The following ARHGEF10 variants were observed in gnomAD, a reference collection of about 807,000 sequenced individuals.
ARHGEF10 encodes Rho guanine nucleotide exchange factor 10, also known as Rho guanine nucleotide exchange factor (GEF) 10.
Under a neutral mutation model 147.4 loss-of-function variants are expected in ARHGEF10, and 140 were observed. The observed-to-expected ratio is 0.95, with a 90% CI of 0.83 to 1.09. ARHGEF10 has a LOEUF of 1.09. Among genes scored for constraint, ARHGEF10 ranks in the 50% least tolerant of loss-of-function variants. The pLI is 0.00. For missense variants in ARHGEF10, 2,222 were observed against 1,752.7 expected (o/e 1.27, Z -4.78); for synonymous variants, 902 against 695.8 (o/e 1.30, Z -4.67).
rs569590251 is a variant in ARHGEF10 at position 1,883,093 on chromosome 8, C to T, written c.1075+344C>T. Among the ~76,000 whole-genome samples, 22 of 152,302 alleles carry T rather than the reference C, an allele frequency of 1.4e-4. No homozygotes were observed. The South Asian group carries it at 1.7e-3, about 11-fold the overall frequency. ...ACATTGGCCCTCCTGGGCATGGTCC[C>T]GCAGGGACTGAGGTCGTGAGCGTCC... On this transcript the variant is annotated intron_variant, in intron 10 of 28. Coordinates refer to ENST00000349830, the MANE Select transcript of ARHGEF10 (RefSeq NM_014629.4).
chr8:1,943,413 G>T (rs935632811), intron 26 of ARHGEF10, among the ~76,000 whole-genome samples: 3 of 152,150 alleles, frequency 2.0e-5, no homozygotes, highest in African/African-American at 7.2e-5. Context: ...GGAAGTGTGG[G>T]CCTGCACACC....
At chr8:1,867,409 T>G (rs1026625992) in intron 6 of ARHGEF10, among the ~76,000 whole-genome samples, 1 of 152,218 alleles carries the variant, frequency 6.6e-6, no homozygotes, top group Admixed American at 6.5e-5. Context: ...GTGCATCATT[T>G]TATTTATAAT....
Position 1,860,007 on chromosome 8 carries a change from G to T in ARHGEF10, c.304G>T (p.Glu102Ter), listed in dbSNP as rs1805962569. ...TGTCATCGACATCACGCCATTCCAG[G>T]AGGACCAGCCGCCCACCCCCGTGCC... ...YSVIDITPFQ[E>*]DQPPTPVPSA... Residue 102 changes from glutamate to a stop codon, truncating the protein, a stop_gained, in exon 4 of 29, where the codon GAG becomes TAG. Transcript: ENST00000349830. LOFTEE classifies it high-confidence loss of function. 1 of 1,613,894 alleles carries T rather than the reference G, an allele frequency of 6.2e-7. No homozygotes were observed.
chr8:1,922,083 A>T (rs1297606812), intron 18 of ARHGEF10, among the ~76,000 whole-genome samples: 4 of 151,950 alleles, frequency 2.6e-5, no homozygotes, highest in Non-Finnish European at 5.9e-5. Context: ...GAGATGGGGG[A>T]ATCTGTCCTC....
In ARHGEF10 at chr8:1,948,830, G is replaced by A. The variant is rs529061880; in HGVS notation, c.3397+3175G>A. Among the ~76,000 whole-genome samples, 3 of 152,286 alleles carry A rather than the reference G, an allele frequency of 2.0e-5. No individual in the cohort carries two copies. In the South Asian group the frequency reaches 6.2e-4, roughly 32 times the overall value. ...GCTGTATTTAGACATTCCGGTGGGG[G>A]CATGCTCATACCGTGCTGAAGTGCG... On this transcript the variant is annotated intron_variant, in intron 27 of 28. Transcript: ENST00000349830. The surrounding 1 kb of genome is among the most constrained non-coding windows in gnomAD (Gnocchi z 4.9).
At chr8:1,864,085 G>A (rs1806377215) in intron 4 of ARHGEF10, among the ~76,000 whole-genome samples, 1 of 152,078 alleles carries the variant, frequency 6.6e-6, no homozygotes, top group Non-Finnish European at 1.5e-5. Context: ...TGTGGAGTGG[G>A]AGAGAACATC....
At chr8:1,939,351 C>A (rs1813890479) in intron 26 of ARHGEF10, among the ~76,000 whole-genome samples, 1 of 152,218 alleles carries the variant, frequency 6.6e-6, no homozygotes, top group African/African-American at 2.4e-5. Flanking sequence ...TAGCACTGTG[C>A]AAAAACAGAG....
intron 1 of ARHGEF10, 49 bp downstream of exon 1, chr8:1,824,162 T>G (rs1253977164): frequency 6.6e-6 from 1 of 152,046 alleles, no homozygotes; most frequent in African/African-American, 2.4e-5. Context: ...GCTTCTGGTT[T>G]CCTTTGAGAG....
chr8:1,869,315 A>C (rs1334075767), intron 7 of ARHGEF10, 65 bp downstream of exon 7: 1 of 1,404,510 alleles, frequency 7.1e-7, no homozygotes, highest in Non-Finnish European at 1.0e-6. Context: ...CTGGATGCCA[A>C]AGTGACTATT....
intron 27 of ARHGEF10, chr8:1,945,995 C>G (rs922959446): frequency 1.1e-5 from 5 of 453,630 alleles, no homozygotes; most frequent in African/African-American, 4.0e-5. Flanking sequence ...CTGGGGAAGC[C>G]AGGACCTGAG....
chr8:1,858,104 C>G lies in ARHGEF10; in HGVS notation c.182C>G (p.Pro61Arg), dbSNP rs537190053. The G allele has an allele frequency of 6.4e-7, 1 of 1,552,742 alleles. No individual in the cohort carries two copies. Among genetic ancestry groups the G allele is most frequent in the Non-Finnish European group, 8.7e-7 (1 of 1,149,320 alleles). The change falls in exon 3 of 29, where the codon CCT (proline) becomes CGT (arginine). Residue 61 changes from proline to arginine, a missense_variant. Transcript: ENST00000349830. ...ETGGAGASEAPAPTGGEDGAG... is the reference protein window; with the variant it reads ...ETGGAGASEARAPTGGEDGAG... ...GGAGGTGCTGGAGCCAGTGAAGCCCCTGCACCCACAGGTGAGTTTCCAGGA... is the reference window on the plus strand; with the variant it reads ...GGAGGTGCTGGAGCCAGTGAAGCCCGTGCACCCACAGGTGAGTTTCCAGGA...
At chr8:1,858,250 G>C (rs1805768687) in intron 3 of ARHGEF10, 135 bp downstream of exon 3, 1 of 780,050 alleles carries the variant, frequency 1.3e-6, no homozygotes, top group African/African-American at 1.7e-5. Flanking sequence ...GTCCCCAGGT[G>C]AGTCCCCTGG....
chr8:1,931,570 A>G (rs13257924), intron 25 of ARHGEF10, among the ~76,000 whole-genome samples: 139,797 of 152,206 alleles, frequency 0.92, 64,234 homozygotes, highest in East Asian at 1. Context: ...CGTGCGAGGC[A>G]GCCTGCGCAG....
At chr8:1,928,715 G>A (rs983777811) in intron 24 of ARHGEF10, 65 bp downstream of exon 24, 68 of 1,561,584 alleles carry the variant, frequency 4.4e-5, no homozygotes, top group Non-Finnish European at 5.4e-5. Context: ...GTGGTGGGGA[G>A]CCTGTCCTGG....
intron 27 of ARHGEF10, among the ~76,000 whole-genome samples, chr8:1,951,951 C>CGTGAGGCGGGGTCTTCCCTGTAACCGCT (rs1815091486): frequency 6.6e-6 from 1 of 152,216 alleles, no homozygotes; most frequent in Non-Finnish European, 1.5e-5. Context: ...CTGTAACCGC[C>CGTGAGGCGGGGTCTTCCCTGTAACCGCT]GTGAGGCGGG....
Position 1,858,086 on chromosome 8 carries a change from C to T in ARHGEF10, c.164C>T (p.Ala55Val). ...QAPSAPETGG[A>V]GASEAPAPTG... ...CCATCCGCCCCTGAGACAGGAGGTG[C>T]TGGAGCCAGTGAAGCCCCTGCACCC... The change falls in exon 3 of 29, where the codon GCT (alanine) becomes GTT (valine). Residue 55 changes from alanine (A) to valine (V), a missense_variant. Ala to Val is a moderately conservative substitution (Grantham distance 64). Transcript: ENST00000349830. 6.2e-7 allele frequency: 1 copy of T among 1,614,062 alleles called. No individual in the cohort carries two copies. Among genetic ancestry groups the T allele is most frequent in the Non-Finnish European group, 8.5e-7 (1 of 1,179,970 alleles).
Position 1,933,860 on chromosome 8 carries a change from G to A in ARHGEF10, c.3140G>A (p.Ser1047Asn). ...VIKLGVLPVR[S>N]LLMMEDTLWA... ...AAGTTAGGCGTCCTACCAGTTAGAAGTCTACTCATGATGGAAGACACGTTG... is the reference window on the plus strand; with the variant it reads ...AAGTTAGGCGTCCTACCAGTTAGAAATCTACTCATGATGGAAGACACGTTG... The change falls in exon 26 of 29, where the codon AGT becomes AAT. Residue 1047 changes from serine (S) to asparagine (N), a missense_variant. Transcript: ENST00000349830. 1 of 1,614,218 alleles carries A rather than the reference G, an allele frequency of 6.2e-7. No homozygotes were observed. The highest frequency in any genetic ancestry group is 8.5e-7 in the Non-Finnish European group (1 of 1,180,036).
chr8:1,903,198 T>C lies in ARHGEF10; in HGVS notation c.1651-83T>C, dbSNP rs1346728736. 1.1e-5 allele frequency: 17 copies of C among 1,540,202 alleles called. No individual in the cohort carries two copies. The South Asian group carries it at 1.9e-4, about 17-fold the overall frequency. ...GGCAGATGCCACTGCCTCCTTTCCA[T>C]TGTCAGCTGGCGGGTGACGCGACTG... On this transcript the variant is annotated intron_variant, in intron 15 of 28. Coordinates refer to ENST00000349830, the MANE Select transcript of ARHGEF10 (RefSeq NM_014629.4).
intron 16 of ARHGEF10, chr8:1,903,717 C>T: frequency 1.8e-6 from 1 of 544,606 alleles, no homozygotes; most frequent in Non-Finnish European, 3.3e-6. Flanking sequence ...CAGGACCTCC[C>T]AAGGGGTTAA....
Sources: gnomAD v4.1 joint callset for allele counts (sites outside exome capture counted in the v4.1 genomes callset) on GRCh38, gnomAD v4.1.1 for gene constraint, Gnocchi (gnomAD v3.1) non-coding constraint, MANE v1.5 for transcripts, NCBI Gene and HGNC (gene_info 2026-07-23, HGNC 2026-07-21) for gene names.